GRIK2: variants seen among roughly 807,000 people sequenced by gnomAD.
The protein encoded by GRIK2 is glutamate receptor ionotropic, kainate 2.
Under a neutral mutation model 100.3 loss-of-function variants are expected in GRIK2, and 32 were observed. The ratio of observed to expected loss-of-function variants is 0.32; its 90% CI spans 0.24 to 0.43. The LOEUF is 0.43. Ranked by LOEUF, GRIK2 falls within the 20% of genes least tolerant of loss-of-function variation. The probability of loss-of-function intolerance (pLI) is 1.00; values close to 1 mark genes in which losing one functional copy is unlikely to be tolerated. For synonymous variants in GRIK2, 417 were observed against 389.4 expected, an observed-to-expected ratio of 1.07 and a Z score of -0.83; for missense variants, 843 against 1,114.9, an observed-to-expected ratio of 0.76 and a Z score of 3.47.
At chr6:101,909,419 A>G (rs1054660786) in intron 12 of GRIK2, among the ~76,000 whole-genome samples, 1 of 116,112 alleles carries the variant, frequency 8.6e-6, no homozygotes, top group African/African-American at 3.3e-5. Flanking sequence ...GGATTTAGGG[A>G]AAAAAGTGTC....
At chr6:101,660,255 G>C (rs1769514289) in intron 4 of GRIK2, among the ~76,000 whole-genome samples, 1 of 151,408 alleles carries the variant, frequency 6.6e-6, no homozygotes, top group Non-Finnish European at 1.5e-5. Context: ...TCTTCCACTT[G>C]TTTGATTCAG....
At chr6:101,702,134 TAAATA>T (rs1254788061) in intron 7 of GRIK2, among the ~76,000 whole-genome samples, 1 of 151,958 alleles carries the variant, frequency 6.6e-6, no homozygotes, top group Non-Finnish European at 1.5e-5. Flanking sequence ...ATAAAACAGT[TAAATA>T]AAAGTGCAAG....
intron 2 of GRIK2, among the ~76,000 whole-genome samples, chr6:101,571,822 A>C (rs1412519351): frequency 6.6e-6 from 1 of 152,176 alleles, no homozygotes; most frequent in African/African-American, 2.4e-5. Context: ...AAGTTAAATT[A>C]TCTCTGATAG....
chr6:101,527,947 C>T (rs893154190), intron 2 of GRIK2, among the ~76,000 whole-genome samples: 2 of 151,956 alleles, frequency 1.3e-5, no homozygotes, highest in Non-Finnish European at 2.9e-5. Flanking sequence ...CAGATGTGTT[C>T]CAACAAATCA....
chr6:101,975,797 A>G (rs9485577), intron 14 of GRIK2, among the ~76,000 whole-genome samples: 1,566 of 118,668 alleles, frequency 0.013, 24 homozygotes, highest in African/African-American at 0.05. Context: ...CTGTCTGTCT[A>G]TCTATCTATC....
At chr6:101,941,517 A>C (rs1332462170) in intron 14 of GRIK2, among the ~76,000 whole-genome samples, 3 of 152,096 alleles carry the variant, frequency 2.0e-5, no homozygotes, top group African/African-American at 4.8e-5. Flanking sequence ...TAATAGTAAA[A>C]AAAAGAAACA....
chr6:101,470,369 A>G (rs781700618), intron 2 of GRIK2, among the ~76,000 whole-genome samples: 1 of 152,114 alleles, frequency 6.6e-6, no homozygotes, highest in Non-Finnish European at 1.5e-5. Flanking sequence ...TGAGAGGGCA[A>G]GCTTCTTTAT....
intron 15 of GRIK2, among the ~76,000 whole-genome samples, chr6:102,037,339 TTAAATA>T (rs1304707329): frequency 2.0e-5 from 3 of 151,502 alleles, no homozygotes; most frequent in African/African-American, 7.2e-5. Context: ...TATTAAAGAA[TTAAATA>T]TAAATATTTG....
chr6:101,667,013 A>G (rs1770080727), intron 4 of GRIK2, among the ~76,000 whole-genome samples: 1 of 152,204 alleles, frequency 6.6e-6, no homozygotes, highest in Non-Finnish European at 1.5e-5. Flanking sequence ...GGAGAAAACT[A>G]AAGTTTAAAA....
intron 2 of GRIK2, among the ~76,000 whole-genome samples, chr6:101,456,655 A>G (rs909752261): frequency 2.7e-5 from 4 of 148,580 alleles, no homozygotes; most frequent in Admixed American, 2.1e-4. Context: ...ATGTGCAGGT[A>G]TGCTTTTGTG....
At chr6:101,488,177 CTTTA>C (rs894237315) in intron 2 of GRIK2, among the ~76,000 whole-genome samples, 5 of 146,478 alleles carry the variant, frequency 3.4e-5, no homozygotes, top group African/African-American at 7.8e-5. Context: ...ATCATCCTGC[CTTTA>C]TTTAACCAAA....
At chr6:101,715,163 A>G (rs1773978009) in intron 7 of GRIK2, among the ~76,000 whole-genome samples, 1 of 151,856 alleles carries the variant, frequency 6.6e-6, no homozygotes, top group African/African-American at 2.4e-5. Context: ...GTTTAAGTTC[A>G]GAAACGTCAT....
intron 11 of GRIK2, among the ~76,000 whole-genome samples, chr6:101,861,626 A>C (rs1784738077): frequency 6.6e-6 from 1 of 152,184 alleles, no homozygotes; most frequent in Non-Finnish European, 1.5e-5. Context: ...GGGTACAACA[A>C]AGCAGGGACA....
At chr6:102,032,859 CAA>C (rs1261294895) in intron 14 of GRIK2, among the ~76,000 whole-genome samples, 1 of 151,260 alleles carries the variant, frequency 6.6e-6, no homozygotes, top group African/African-American at 2.4e-5. Context: ...AGGCTCACTG[CAA>C]ACTCTAGGTG....
At chr6:102,007,866 C>T (rs896801108) in intron 14 of GRIK2, among the ~76,000 whole-genome samples, 2 of 151,806 alleles carry the variant, frequency 1.3e-5, no homozygotes, top group African/African-American at 4.8e-5. Context: ...ATACCTCTAT[C>T]CTTCCTAAAT....
chr6:101,943,016 G>T (rs901460574), intron 14 of GRIK2, among the ~76,000 whole-genome samples: 16 of 152,184 alleles, frequency 1.1e-4, no homozygotes, highest in African/African-American at 3.9e-4. Context: ...TAGAGGCCTA[G>T]GAGGGGAAAA....
chr6:101,885,505 G>A (rs935840801), intron 11 of GRIK2, among the ~76,000 whole-genome samples: 5 of 151,984 alleles, frequency 3.3e-5, no homozygotes, highest in Non-Finnish European at 7.4e-5. Flanking sequence ...TTGTAAAAAG[G>A]AAATCACACT....
At chr6:101,533,080 A>G (rs920382122) in intron 2 of GRIK2, among the ~76,000 whole-genome samples, 6 of 151,916 alleles carry the variant, frequency 3.9e-5, no homozygotes, top group African/African-American at 1.4e-4. Flanking sequence ...CATTATCAAC[A>G]TAGGTTCTAT....
intron 14 of GRIK2, among the ~76,000 whole-genome samples, chr6:101,936,162 T>C (rs1308126361): frequency 6.6e-6 from 1 of 152,012 alleles, no homozygotes; most frequent in African/African-American, 2.4e-5. Flanking sequence ...AGGTTAATGG[T>C]TAATATTGTT....
Sources: gnomAD v4.1 joint callset for allele counts (sites outside exome capture counted in the v4.1 genomes callset) on GRCh38, gnomAD v4.1.1 for gene constraint, MANE v1.5 for transcripts, NCBI Gene and HGNC (gene_info 2026-07-23, HGNC 2026-07-21) for gene names.